The following ADARB1 variants were observed in gnomAD, a reference collection of about 807,000 sequenced individuals.
The protein encoded by ADARB1 is double-stranded RNA-specific editase 1.
ADARB1 carries 10 observed loss-of-function variants against 52.4 expected under a neutral mutation model. That is an observed-to-expected ratio of 0.19 (90% CI 0.12 to 0.32). The LOEUF (loss-of-function observed/expected upper bound fraction) is 0.32, where lower values mean the gene tolerates loss of function less well. Ranked by LOEUF, ADARB1 falls within the 10% of genes least tolerant of loss-of-function variation. The probability of loss-of-function intolerance (pLI) is 1.00; values close to 1 mark genes in which losing one functional copy is unlikely to be tolerated. For missense variants in ADARB1, 643 were observed against 922.3 expected, an observed-to-expected ratio of 0.70 and a Z score of 3.92; for synonymous variants, 349 against 371.1, an observed-to-expected ratio of 0.94 and a Z score of 0.68.
chr21:45,080,706 G>T (rs892051665), intron 1 of ADARB1, among the ~76,000 whole-genome samples: 1 of 152,212 alleles, frequency 6.6e-6, no homozygotes, highest in African/African-American at 2.4e-5. Context: ...TTGTTACCTG[G>T]AGGTTGGCAC....
At chr21:45,182,489 T>C (rs1321472599) in intron 5 of ADARB1, 96 bp from the exon 6 acceptor site, 1 of 1,367,164 alleles carries the variant, frequency 7.3e-7, no homozygotes, top group African/African-American at 1.5e-5. Context: ...CCCTGAAAAG[T>C]TAAGTCACTG....
At position 45,149,241 on chromosome 21, in the gene ADARB1, A is replaced by G. The variant is rs535579544; in HGVS notation, c.-48+20668A>G. ...TTGCCTTACTCTATCTCAGAAGCTC[A>G]TCCTGACACCAGCTCTGTCCTCTGT... On this transcript the variant is annotated intron_variant, in intron 2 of 10. Coordinates refer to ENST00000348831, the MANE Select transcript of ADARB1 (RefSeq NM_001112.4). Among the ~76,000 whole-genome samples the G allele has an allele frequency of 1.6e-4, 25 of 152,288 alleles. No individual in the cohort carries two copies. In the South Asian group the frequency reaches 3.5e-3, roughly 21 times the overall value.
chr21:45,152,496 G>A, intron 2 of ADARB1: 1 of 249,144 alleles, frequency 4.0e-6, no homozygotes, highest in Non-Finnish European at 8.5e-6. Flanking sequence ...GTCGGTAGGG[G>A]CTGCTGTTGT....
intron 1 of ADARB1, among the ~76,000 whole-genome samples, chr21:45,088,583 C>A (rs558127369): frequency 6.6e-6 from 1 of 152,162 alleles, no homozygotes; most frequent in Non-Finnish European, 1.5e-5. Context: ...AATAGAAAAT[C>A]GCCTTCAGGC....
intron 2 of ADARB1, among the ~76,000 whole-genome samples, chr21:45,162,623 G>T (rs566360628): frequency 6.6e-6 from 1 of 152,322 alleles, no homozygotes; most frequent in South Asian, 2.1e-4. Context: ...ACCTGACTAG[G>T]GACATGGGGA....
At chr21:45,214,713 G>A (rs1309451061) in intron 9 of ADARB1, among the ~76,000 whole-genome samples, 3 of 152,126 alleles carry the variant, frequency 2.0e-5, no homozygotes, top group African/African-American at 7.2e-5. Context: ...GTCTGTTTCT[G>A]GACTCTGTTG....
At chr21:45,101,157 G>T (rs1048618224) in intron 1 of ADARB1, 2 of 152,320 alleles carry the variant, frequency 1.3e-5, no homozygotes, top group African/African-American at 2.4e-5. Context: ...GTGAGGTCCT[G>T]ACAGCTGTAC....
intron 2 of ADARB1, among the ~76,000 whole-genome samples, chr21:45,167,519 G>A (rs1601727173): frequency 6.6e-6 from 1 of 152,282 alleles, no homozygotes; most frequent in Non-Finnish European, 1.5e-5. Flanking sequence ...TGGAGGTCAA[G>A]GCAGGCAGAT....
At chr21:45,106,741 CG>C (rs1235144258) in intron 1 of ADARB1, among the ~76,000 whole-genome samples, 3 of 152,226 alleles carry the variant, frequency 2.0e-5, no homozygotes, top group South Asian at 2.1e-4. Context: ...AGAACAAATA[CG>C]GCTGGATGCA....
chr21:45,179,683 C>T (rs1460115082), intron 4 of ADARB1, among the ~76,000 whole-genome samples: 2 of 152,094 alleles, frequency 1.3e-5, no homozygotes, highest in South Asian at 2.1e-4. Flanking sequence ...ATGATTCTAT[C>T]GTACCGTCTG....
rs2088702004 is a variant in ADARB1, at chr21:45,128,049, G to T, written c.-219-353G>T. Among the ~76,000 whole-genome samples the T allele has an allele frequency of 6.6e-6, 1 of 152,104 alleles. No individual in the cohort carries two copies. Among genetic ancestry groups the T allele is most frequent in the African/African-American group, 2.4e-5 (1 of 41,410 alleles). On this transcript the variant is annotated intron_variant, in intron 1 of 10. Transcript: ENST00000348831. The surrounding 1 kb of genome is among the most constrained non-coding windows in gnomAD (Gnocchi z 4.6). ...CATTCACATGTGTGCATGTGTAGGG[G>T]TGTGTGCATATTGAATTGTAAAAAA...
rs932196093 is a variant in ADARB1 at position 45,188,760 on chromosome 21, C to T, written c.1565+3669C>T. 3.3e-5 allele frequency among the ~76,000 whole-genome samples: 5 copies of T among 152,206 alleles called. No individual in the cohort carries two copies. The Middle Eastern group carries it at 0.01, about 311-fold the overall frequency. ...CTTGTAGCTTTTTGCTTGTTTTTCCCTTATTCTCTTACTGCCTTCCTTTGT... is the reference window on the plus strand; with the variant it reads ...CTTGTAGCTTTTTGCTTGTTTTTCCTTTATTCTCTTACTGCCTTCCTTTGT... On this transcript the variant is annotated intron_variant, in intron 8 of 10. Coordinates refer to ENST00000348831, the MANE Select transcript of ADARB1 (RefSeq NM_001112.4).
At position 45,216,927 on chromosome 21, in the gene ADARB1, A is replaced by G. The variant is rs75937561; in HGVS notation, c.1748-3909A>G. Among the ~76,000 whole-genome samples, 81 of 151,938 alleles carry G rather than the reference A, an allele frequency of 5.3e-4. 1 individual carries two copies. The highest frequency in any genetic ancestry group is 1.8e-3 in the African/African-American group (75 of 41,496). ...TAGGATTGTTGGTTTATCTTAATAAACCGACCTCCTTTACCATTATATGAT... is the reference window on the plus strand; with the variant it reads ...TAGGATTGTTGGTTTATCTTAATAAGCCGACCTCCTTTACCATTATATGAT... On this transcript the variant is annotated intron_variant, in intron 9 of 10. Coordinates refer to ENST00000348831, the MANE Select transcript of ADARB1 (RefSeq NM_001112.4).
chr21:45,165,924 G>T (rs2091237592), intron 2 of ADARB1, among the ~76,000 whole-genome samples: 1 of 151,646 alleles, frequency 6.6e-6, no homozygotes. Flanking sequence ...ATCCATTTTT[G>T]AGGGGAAAAT....
At chr21:45,153,568 A>C (rs952331916) in intron 2 of ADARB1, among the ~76,000 whole-genome samples, 19 of 152,210 alleles carry the variant, frequency 1.2e-4, no homozygotes, top group Non-Finnish European at 2.5e-4. Flanking sequence ...TTTCTTCAGG[A>C]AGTAAAATTA....
chr21:45,087,581 C>T (rs986898709), intron 1 of ADARB1, among the ~76,000 whole-genome samples: 1 of 150,850 alleles, frequency 6.6e-6, no homozygotes, highest in South Asian at 2.1e-4. Flanking sequence ...GTGCAGAGGG[C>T]GAGGGGGCAG....
intron 2 of ADARB1, chr21:45,133,547 T>C: frequency 5.7e-6 from 1 of 174,956 alleles, no homozygotes; most frequent in Non-Finnish European, 1.2e-5. Context: ...CTATATCCCA[T>C]CATGTTCACA....
chr21:45,180,523 C>T (rs2091892677), intron 5 of ADARB1, 79 bp downstream of exon 5: 1 of 1,135,466 alleles, frequency 8.8e-7, no homozygotes, highest in Non-Finnish European at 1.3e-6. Flanking sequence ...CGACAAAAAC[C>T]ACTGTGCCAC....
chr21:45,163,426 C>G (rs2091082933), intron 2 of ADARB1, among the ~76,000 whole-genome samples: 1 of 152,234 alleles, frequency 6.6e-6, no homozygotes, highest in Admixed American at 6.5e-5. Flanking sequence ...AGGCTTGAGT[C>G]TGTCCTAGCA....
Sources: allele counts gnomAD v4.1 joint callset (sites outside exome capture counted in the v4.1 genomes callset), GRCh38; gene constraint gnomAD v4.1.1; non-coding constraint Gnocchi (gnomAD v3.1); transcripts MANE v1.5; gene names NCBI Gene and HGNC (gene_info 2026-07-23, HGNC 2026-07-21).